CDC14A: variants seen among roughly 807,000 people sequenced by gnomAD.
CDC14A encodes the protein dual specificity protein phosphatase CDC14A.
In CDC14A, 53 loss-of-function variants were observed where a neutral mutation model predicts 74.4. The ratio of observed to expected loss-of-function variants is 0.71; its 90% CI spans 0.57 to 0.89. The LOEUF is 0.89. Ranked by LOEUF, CDC14A falls within the 40% of genes least tolerant of loss-of-function variation. The probability of loss-of-function intolerance (pLI) is 0.00; values close to 1 mark genes in which losing one functional copy is unlikely to be tolerated. For missense variants in CDC14A, 646 were observed against 713.7 expected (o/e 0.91, Z 1.08); for synonymous variants, 247 against 258.4 (o/e 0.96, Z 0.43).
At chr1:100,351,855 T>G (rs1431977476), upstream of CDC14A, 2 of 1,467,840 alleles carry the variant, frequency 1.4e-6, no homozygotes, top group South Asian at 2.4e-5. Context: ...TAGGAGCTGG[T>G]GCTTCTTTTT....
chr1:100,471,233 A>G (rs1021833822), intron 10 of CDC14A, among the ~76,000 whole-genome samples: 6 of 152,158 alleles, frequency 3.9e-5, no homozygotes, highest in Non-Finnish European at 7.4e-5. Context: ...GTGGTGATAG[A>G]AATCAGAAAG....
intron 4 of CDC14A, among the ~76,000 whole-genome samples, chr1:100,402,020 A>G (rs1489923099): frequency 6.6e-6 from 1 of 152,020 alleles, no homozygotes; most frequent in Non-Finnish European, 1.5e-5. Flanking sequence ...CCTGGGCAAC[A>G]AGAGCAGAAC....
At chr1:100,371,599 T>C (rs1411782224) in intron 2 of CDC14A, among the ~76,000 whole-genome samples, 1 of 152,212 alleles carries the variant, frequency 6.6e-6, no homozygotes, top group Non-Finnish European at 1.5e-5. Flanking sequence ...GTGTGTCACA[T>C]TTATTGGTTT....
chr1:100,354,245 A>G (rs1238792726), intron 2 of CDC14A, among the ~76,000 whole-genome samples: 1 of 152,128 alleles, frequency 6.6e-6, no homozygotes, highest in Non-Finnish European at 1.5e-5. Flanking sequence ...CAGGTGCTTG[A>G]GCTTTATAGT....
rs1668713061 is a variant in CDC14A, at chr1:100,474,621, T to TA, written c.977+6530dup. Among the ~76,000 whole-genome samples the TA allele has an allele frequency of 2.6e-5, 4 of 151,602 alleles. 1 individual carries two copies. The highest frequency in any genetic ancestry group is 3.4e-3 in the Middle Eastern group (1 of 294). On this transcript the variant is annotated intron_variant, in intron 10 of 15. Transcript: ENST00000336454. Reference sequence around the variant, plus strand: ...GTTTGTGGAGTGTGTTTTTTTTTTTTAAAGTATTCCTTTATGTTTGCAGAG... The same window carrying TA: ...GTTTGTGGAGTGTGTTTTTTTTTTTTAAAAGTATTCCTTTATGTTTGCAGAG...
chr1:100,509,212 G>T (rs1649495123), intron 15 of CDC14A, among the ~76,000 whole-genome samples: 1 of 152,086 alleles, frequency 6.6e-6, no homozygotes, highest in African/African-American at 2.4e-5. Context: ...CAGGAGTTGG[G>T]CTAAGTCTAA....
intron 2 of CDC14A, among the ~76,000 whole-genome samples, chr1:100,366,966 G>A (rs969800814): frequency 2.0e-5 from 3 of 152,212 alleles, no homozygotes; most frequent in African/African-American, 4.8e-5. Context: ...TAAAATGTCC[G>A]TGTTTTTCCC....
At chr1:100,389,623 A>G (rs1386151796) in intron 3 of CDC14A, among the ~76,000 whole-genome samples, 1 of 151,962 alleles carries the variant, frequency 6.6e-6, no homozygotes, top group Non-Finnish European at 1.5e-5. Flanking sequence ...TCAGAGATGG[A>G]AGAGTTTTTT....
intron 4 of CDC14A, among the ~76,000 whole-genome samples, chr1:100,414,547 C>CT (rs368746841): frequency 0.013 from 1,941 of 152,050 alleles, 47 homozygotes; most frequent in African/African-American, 0.044. Flanking sequence ...AAATAACATA[C>CT]TTTTTTTTCA....
intron 5 of CDC14A, among the ~76,000 whole-genome samples, chr1:100,425,301 A>ATG (rs1236581534): frequency 2.6e-5 from 4 of 152,136 alleles, no homozygotes; most frequent in Non-Finnish European, 5.9e-5. Flanking sequence ...ATCTGCAAGC[A>ATG]TGTGTATTGC....
At chr1:100,424,117 G>T in intron 4 of CDC14A, 105 bp from the exon 5 acceptor site, 2 of 807,310 alleles carry the variant, frequency 2.5e-6, no homozygotes, top group Non-Finnish European at 2.2e-6. Flanking sequence ...CACTATCACC[G>T]TAACAGCTGT....
In CDC14A at chr1:100,494,846, T is replaced by G; in HGVS notation, c.1166T>G (p.Met389Arg). Residue 389 changes from methionine to arginine, a missense_variant, in exon 12 of 16, where the codon ATG becomes AGG. Transcript: ENST00000336454. The part of the protein sequence containing the change: ...EDNLEDDDVE[M>R]KNGITQGDKL... Reference sequence around the variant, plus strand: ...AACTTAGAAGATGATGATGTGGAAATGAAAAATGGTATAACCCAGGGAGAC... The same window carrying G: ...AACTTAGAAGATGATGATGTGGAAAGGAAAAATGGTATAACCCAGGGAGAC... The G allele has an allele frequency of 6.2e-7, 1 of 1,612,312 alleles. No homozygotes were observed. Among genetic ancestry groups the G allele is most frequent in the South Asian group, 1.1e-5 (1 of 90,912 alleles).
chr1:100,383,972 C>T (rs1422153458), intron 3 of CDC14A, among the ~76,000 whole-genome samples: 1 of 151,942 alleles, frequency 6.6e-6, no homozygotes, highest in African/African-American at 2.4e-5. Context: ...TTGTGCTCTC[C>T]TGACTGAAGC....
At chr1:100,507,405 C>T (rs1163347686) in intron 15 of CDC14A, among the ~76,000 whole-genome samples, 1 of 152,068 alleles carries the variant, frequency 6.6e-6, no homozygotes, top group Non-Finnish European at 1.5e-5. Flanking sequence ...TGCCTGGCAT[C>T]AGTGTGTACT....
intron 2 of CDC14A, among the ~76,000 whole-genome samples, chr1:100,355,020 AAAGT>A (rs1325384670): frequency 2.0e-5 from 3 of 152,214 alleles, no homozygotes; most frequent in East Asian, 3.8e-4. Flanking sequence ...TTGAATGGCT[AAAGT>A]AAGAGTGGGA....
At position 100,494,891 on chromosome 1, in the gene CDC14A, G is replaced by A; in HGVS notation, c.1211G>A (p.Ser404Asn). 1 of 1,612,998 alleles carries A rather than the reference G, an allele frequency of 6.2e-7. No homozygotes were observed. Among genetic ancestry groups the A allele is most frequent in the Non-Finnish European group, 8.5e-7 (1 of 1,179,050 alleles). Reference sequence around the variant, plus strand: ...GGAGACAAACTACGTGCCTTAAAAAGTCAGAGACAGCCACGTACCTCACCA... The same window carrying A: ...GGAGACAAACTACGTGCCTTAAAAAATCAGAGACAGCCACGTACCTCACCA... ...TQGDKLRALK[S>N]QRQPRTSPSC... Residue 404 changes from serine (S) to asparagine (N), a missense_variant, in exon 12 of 16, where the codon AGT becomes AAT. By Grantham distance (46) the Ser-to-Asn change is conservative (BLOSUM62 1). Coordinates refer to ENST00000336454, the MANE Select transcript of CDC14A (RefSeq NM_003672.4).
intron 5 of CDC14A, among the ~76,000 whole-genome samples, chr1:100,426,838 T>A (rs901502022): frequency 3.9e-5 from 6 of 152,222 alleles, no homozygotes; most frequent in Admixed American, 3.3e-4. Flanking sequence ...AGAGTTGTAT[T>A]TACATTAAGC....
chr1:100,446,990 C>T (rs1016193146), intron 7 of CDC14A, among the ~76,000 whole-genome samples: 13 of 152,210 alleles, frequency 8.5e-5, no homozygotes, highest in Admixed American at 2.6e-4. Context: ...TGAGCCACTA[C>T]GCCTGGCCTC....
rs1386857318 is a variant in CDC14A at position 100,508,985 on chromosome 1, T to G, written c.1756-9266T>G. Among the ~76,000 whole-genome samples, 2 of 152,212 alleles carry G rather than the reference T, an allele frequency of 1.3e-5. No individual in the cohort carries two copies. Among genetic ancestry groups the G allele is most frequent in the African/African-American group, 4.8e-5 (2 of 41,462 alleles). On this transcript the variant is annotated intron_variant, in intron 15 of 15. Transcript: ENST00000336454. This position sits in a 1 kb window ranked among gnomAD's most constrained non-coding sequence, Gnocchi z 4.4. Reference sequence around the variant, plus strand: ...ATCTCGACATGAAGTAGGTCCAGTCTCTGCAGCTTGCTGTTTAGTGCCTTT... The same window carrying G: ...ATCTCGACATGAAGTAGGTCCAGTCGCTGCAGCTTGCTGTTTAGTGCCTTT...
Sources: gnomAD v4.1 joint callset for allele counts (sites outside exome capture counted in the v4.1 genomes callset) on GRCh38, gnomAD v4.1.1 for gene constraint, Gnocchi (gnomAD v3.1) non-coding constraint, MANE v1.5 for transcripts, NCBI Gene and HGNC (gene_info 2026-07-23, HGNC 2026-07-21) for gene names.